Variants in DNAAF4 observed in about 807,000 individuals in gnomAD.
DNAAF4 encodes dynein assembly factor 4, axonemal.
Under a neutral mutation model 51.8 loss-of-function variants are expected in DNAAF4, and 43 were observed. The ratio of observed to expected loss-of-function variants is 0.83; its 90% CI spans 0.65 to 1.07. The LOEUF is 1.07. DNAAF4 is among the 50% of genes least tolerant of loss of function. The pLI is 0.00. For missense variants in DNAAF4, 581 were observed against 493.0 expected, an observed-to-expected ratio of 1.18 and a Z score of -1.69; for synonymous variants, 194 against 165.6, an observed-to-expected ratio of 1.17 and a Z score of -1.32.
intron 4 of DNAAF4, among the ~76,000 whole-genome samples, chr15:55,487,358 A>G (rs1367375337): frequency 6.6e-6 from 1 of 152,214 alleles, no homozygotes; most frequent in Non-Finnish European, 1.5e-5. Flanking sequence ...GTTTAGCTTA[A>G]CAATTGTAAA....
At chr15:55,421,309 T>C (rs1357125744) in intron 7 of DNAAF4, among the ~76,000 whole-genome samples, 2 of 151,732 alleles carry the variant, frequency 1.3e-5, no homozygotes, top group African/African-American at 4.8e-5. Context: ...AAGGCAAGCC[T>C]GGGCAACATG....
chr15:55,433,045 A>G (rs1448556561), intron 8 of DNAAF4, among the ~76,000 whole-genome samples: 1 of 152,104 alleles, frequency 6.6e-6, no homozygotes, highest in Admixed American at 6.6e-5. Context: ...CACGCCTGTA[A>G]TTCCAGCACT....
At position 55,487,039 on chromosome 15, in the gene DNAAF4, A is replaced by G. The variant is rs980313233; in HGVS notation, c.405+4084T>C. The stretch of plus-strand genomic sequence containing the variant: ...TCAACTAATTTTACACTTTTGTGGA[A>G]AATCCCTTAAGAGAGTTCTCTATAA... On this transcript the variant is annotated intron_variant, in intron 4 of 9. Transcript: ENST00000321149. 2.0e-5 allele frequency among the ~76,000 whole-genome samples: 3 copies of G among 152,164 alleles called. No homozygotes were observed. In the East Asian group the frequency reaches 5.8e-4, roughly 29 times the overall value.
intron 4 of DNAAF4, among the ~76,000 whole-genome samples, chr15:55,483,833 C>CATTT (rs1567028675): frequency 3.6e-5 from 3 of 82,504 alleles, no homozygotes; most frequent in Non-Finnish European, 2.2e-5. Flanking sequence ...GCCAATAAAG[C>CATTT]TTTTTTTTTT....
intron 4 of DNAAF4, among the ~76,000 whole-genome samples, chr15:55,469,206 C>T (rs1294422372): frequency 1.3e-5 from 2 of 151,734 alleles, no homozygotes; most frequent in Admixed American, 1.3e-4. Flanking sequence ...GTGGCAGGCC[C>T]TTAATCCCAG....
intron 4 of DNAAF4, among the ~76,000 whole-genome samples, chr15:55,488,857 G>A (rs1417507747): frequency 6.6e-6 from 1 of 152,178 alleles, no homozygotes; most frequent in African/African-American, 2.4e-5. Flanking sequence ...GGGAAGCCAA[G>A]ACGGGCAGAT....
At chr15:55,491,700 T>G (rs535438109) in intron 3 of DNAAF4, among the ~76,000 whole-genome samples, 5 of 140,896 alleles carry the variant, frequency 3.5e-5, no homozygotes, top group African/African-American at 1.3e-4. Context: ...TATAATAATA[T>G]TATATACTAT....
intron 6 of DNAAF4, among the ~76,000 whole-genome samples, chr15:55,444,237 G>A (rs932532461): frequency 2.1e-4 from 32 of 152,268 alleles, no homozygotes; most frequent in African/African-American, 7.5e-4. Flanking sequence ...GTAAGGAAGG[G>A]ATCCAGTTTC....
intron 5 of DNAAF4, among the ~76,000 whole-genome samples, chr15:55,452,887 G>A (rs1567013133): frequency 6.6e-6 from 1 of 152,172 alleles, no homozygotes; most frequent in East Asian, 1.9e-4. Context: ...AGGTGGAAAT[G>A]AAACTAGAAT....
chr15:55,438,854 T>C (rs1333478048), intron 7 of DNAAF4, among the ~76,000 whole-genome samples: 3 of 152,094 alleles, frequency 2.0e-5, no homozygotes, highest in African/African-American at 7.2e-5. Context: ...AAAGCCCGTT[T>C]TTATGGGAGA....
At chr15:55,502,052 A>G (rs934580998) in intron 1 of DNAAF4, among the ~76,000 whole-genome samples, 1 of 152,012 alleles carries the variant, frequency 6.6e-6, no homozygotes, top group Non-Finnish European at 1.5e-5. Flanking sequence ...TCAAAAGAAA[A>G]AAAAAAAAGA....
chr15:55,423,659 A>C (rs2057406194), intron 7 of DNAAF4, among the ~76,000 whole-genome samples: 1 of 152,244 alleles, frequency 6.6e-6, no homozygotes, highest in East Asian at 1.9e-4. Flanking sequence ...ATGGACTAAA[A>C]AAGCTAAAGT....
chr15:55,496,489 T>G (rs965616083), intron 3 of DNAAF4, among the ~76,000 whole-genome samples: 2 of 152,198 alleles, frequency 1.3e-5, no homozygotes, highest in East Asian at 1.9e-4. Flanking sequence ...ACTCAAACTT[T>G]CCATATGTCA....
chr15:55,443,286 G>A, intron 6 of DNAAF4: 1 of 1,505,074 alleles, frequency 6.6e-7, no homozygotes, highest in East Asian at 2.4e-5. Context: ...TACCCGGCAG[G>A]CGCCTGCCTA....
chr15:55,468,130 G>A (rs2058196161), intron 4 of DNAAF4, among the ~76,000 whole-genome samples: 1 of 152,174 alleles, frequency 6.6e-6, no homozygotes, highest in Non-Finnish European at 1.5e-5. Flanking sequence ...TTTCATTAAT[G>A]TACATTTAAA....
chr15:55,495,118 A>G (rs2058622742), intron 3 of DNAAF4: 1 of 151,364 alleles, frequency 6.6e-6, no homozygotes, highest in South Asian at 2.1e-4. Flanking sequence ...AGGCCCCAAC[A>G]TAGACTTACT....
chr15:55,494,939 T>G (rs945746051), intron 3 of DNAAF4, among the ~76,000 whole-genome samples: 10 of 152,310 alleles, frequency 6.6e-5, no homozygotes, highest in Admixed American at 5.9e-4. Flanking sequence ...TGGCTACTTT[T>G]GTGCTACAAT....
chr15:55,461,563 G>A (rs371958414), intron 5 of DNAAF4, among the ~76,000 whole-genome samples: 7 of 152,034 alleles, frequency 4.6e-5, no homozygotes, highest in Admixed American at 3.3e-4. Context: ...AAATCAAGAC[G>A]GAAATTTTAA....
chr15:55,442,517 G>A (rs866137601), intron 6 of DNAAF4: 6 of 766,634 alleles, frequency 7.8e-6, no homozygotes, highest in South Asian at 7.4e-5. Flanking sequence ...GTTTCGGAAG[G>A]TCACTCTTGG....
Sources: allele counts gnomAD v4.1 joint callset (sites outside exome capture counted in the v4.1 genomes callset), GRCh38; gene constraint gnomAD v4.1.1; transcripts MANE v1.5; gene names NCBI Gene and HGNC (gene_info 2026-07-23, HGNC 2026-07-21).